PPP2R2C: variants seen among roughly 807,000 people sequenced by gnomAD.
PPP2R2C encodes the protein protein phosphatase 2 regulatory subunit Bgamma.
A neutral mutation model predicts 45.3 loss-of-function variants in PPP2R2C; 10 were observed. The ratio of observed to expected loss-of-function variants is 0.22; its 90% CI spans 0.14 to 0.37. PPP2R2C has a LOEUF of 0.37. PPP2R2C is among the 10% of genes least tolerant of loss of function. The pLI is 1.00. For missense variants in PPP2R2C, 308 were observed against 619.7 expected, an observed-to-expected ratio of 0.50 and a Z score of 5.34; for synonymous variants, 257 against 245.4, an observed-to-expected ratio of 1.05 and a Z score of -0.44.
intron 1 of PPP2R2C, among the ~76,000 whole-genome samples, chr4:6,407,293 C>T (rs1280377751): frequency 6.6e-6 from 1 of 152,242 alleles, no homozygotes; most frequent in Non-Finnish European, 1.5e-5. Flanking sequence ...GGGAAGTCAA[C>T]AATGACCCAG....
chr4:6,496,938 C>T (rs906909913), intron 2 of PPP2R2C, among the ~76,000 whole-genome samples: 13 of 151,880 alleles, frequency 8.6e-5, no homozygotes, highest in Admixed American at 2.6e-4. Flanking sequence ...CGATGCCATA[C>T]GTATGGACGG....
intron 1 of PPP2R2C, among the ~76,000 whole-genome samples, chr4:6,430,531 G>A (rs1044771277): frequency 1.3e-5 from 2 of 152,218 alleles, no homozygotes; most frequent in African/African-American, 2.4e-5. Flanking sequence ...CCTCAGAGGA[G>A]AGTGCACGCC....
intron 6 of PPP2R2C, 46 bp downstream of exon 6, chr4:6,347,800 C>CCCG: frequency 3.2e-6 from 4 of 1,253,260 alleles, no homozygotes; most frequent in Non-Finnish European, 4.4e-6. Flanking sequence ...CCCACCCGCC[C>CCCG]GCCTGCCCAA....
chr4:6,535,186 G>A, intron 2 of PPP2R2C: 1 of 1,424,120 alleles, frequency 7.0e-7, no homozygotes, highest in Non-Finnish European at 9.6e-7. Flanking sequence ...TGTCAGGCTG[G>A]CGCTGTGTCG....
intron 1 of PPP2R2C, among the ~76,000 whole-genome samples, chr4:6,441,425 C>A (rs544267875): frequency 8.5e-5 from 13 of 152,178 alleles, no homozygotes; most frequent in African/African-American, 3.1e-4. Flanking sequence ...CCCCATGGGG[C>A]CTCCATCACC....
chr4:6,390,541 C>CCGGG (rs1387674364), intron 1 of PPP2R2C, among the ~76,000 whole-genome samples: 5 of 152,230 alleles, frequency 3.3e-5, no homozygotes, highest in African/African-American at 1.2e-4. Context: ...AGGGAGCACG[C>CCGGG]CGGGCGGCGG....
At chr4:6,435,664 T>C (rs899402571) in intron 1 of PPP2R2C, among the ~76,000 whole-genome samples, 1 of 152,258 alleles carries the variant, frequency 6.6e-6, no homozygotes, top group Admixed American at 6.5e-5. Context: ...AAGAGTAATC[T>C]AGTTCTTAGA....
intron 1 of PPP2R2C, among the ~76,000 whole-genome samples, chr4:6,394,321 A>T (rs551252012): frequency 2.6e-5 from 4 of 152,362 alleles, no homozygotes; most frequent in Non-Finnish European, 4.4e-5. Flanking sequence ...GTTGATGGTG[A>T]AGATTCAACG....
chr4:6,400,094 C>T (rs1717313637), intron 1 of PPP2R2C, among the ~76,000 whole-genome samples: 1 of 152,214 alleles, frequency 6.6e-6, no homozygotes, highest in Non-Finnish European at 1.5e-5. Context: ...CCTAAATCAG[C>T]AGTTCTAAGA....
intron 1 of PPP2R2C, among the ~76,000 whole-genome samples, chr4:6,419,619 G>A (rs1224940808): frequency 6.6e-6 from 1 of 152,170 alleles, no homozygotes; most frequent in Non-Finnish European, 1.5e-5. Flanking sequence ...TAGGGCCTGG[G>A]ATGTGTCTGG....
In PPP2R2C at chr4:6,453,136, C is replaced by T. The variant is rs544305963; in HGVS notation, c.70+19024G>A. 8.5e-5 allele frequency among the ~76,000 whole-genome samples: 13 copies of T among 152,262 alleles called. No homozygotes were observed. The South Asian group carries it at 2.1e-3, about 24-fold the overall frequency. On this transcript the variant is annotated intron_variant, in intron 1 of 8. Transcript: ENST00000382599. The stretch of plus-strand genomic sequence containing the variant: ...GTTCCTGAGCATCGGATACACCTAA[C>T]GCCTCATCTCCATCCACCCTTGAAG...
intron 1 of PPP2R2C, among the ~76,000 whole-genome samples, chr4:6,446,729 A>C (rs764955409): frequency 6.6e-6 from 1 of 152,084 alleles, no homozygotes; most frequent in Non-Finnish European, 1.5e-5. Context: ...ACTCCCCGCC[A>C]ACGGCCCACT....
In PPP2R2C at chr4:6,549,396, G is replaced by T. The variant is rs899512868; in HGVS notation, c.-58-14019C>A. Among the ~76,000 whole-genome samples the T allele has an allele frequency of 2.6e-5, 4 of 152,164 alleles. No individual in the cohort carries two copies. The South Asian group carries it at 8.3e-4, about 32-fold the overall frequency. On this transcript the variant is annotated intron_variant, in intron 1 of 9. Coordinates refer to the PPP2R2C transcript ENST00000506140. ...GACAGACAACTCCAGATGGAGGGTGGTCCGGGGAGGCCTCCCGGAGGAGGT... is the reference window on the plus strand; with the variant it reads ...GACAGACAACTCCAGATGGAGGGTGTTCCGGGGAGGCCTCCCGGAGGAGGT...
At chr4:6,510,701 G>C (rs980424530) in intron 2 of PPP2R2C, among the ~76,000 whole-genome samples, 2 of 152,108 alleles carry the variant, frequency 1.3e-5, no homozygotes, top group Non-Finnish European at 2.9e-5. Flanking sequence ...GTTGAGGCCG[G>C]GCACGGTGTC....
At chr4:6,337,900 C>A (rs1275600814) in intron 6 of PPP2R2C, among the ~76,000 whole-genome samples, 1 of 152,088 alleles carries the variant, frequency 6.6e-6, no homozygotes, top group Non-Finnish European at 1.5e-5. Flanking sequence ...GCCTGAAAAA[C>A]CATTCCTAAA....
intron 5 of PPP2R2C, among the ~76,000 whole-genome samples, chr4:6,362,745 C>T (rs983350826): frequency 6.6e-6 from 1 of 152,160 alleles, no homozygotes; most frequent in Non-Finnish European, 1.5e-5. Flanking sequence ...CATTTGTTCA[C>T]CCCAGCACCA....
rs117403855 is a variant in PPP2R2C, at chr4:6,456,227, C to T, written c.70+15933G>A. ...ATTTTAAAAGACACAAAACATAGTA[C>T]AATCTGCAGGGGGTAGTTAGAAGGA... On this transcript the variant is annotated intron_variant, in intron 1 of 8. Transcript: ENST00000382599. Among the ~76,000 whole-genome samples, 16 of 152,016 alleles carry T rather than the reference C, an allele frequency of 1.1e-4. No individual in the cohort carries two copies. The East Asian group carries it at 3.1e-3, about 29-fold the overall frequency.
In PPP2R2C at chr4:6,523,052, A is replaced by T. The variant is rs1168152369; in HGVS notation, c.49+12219T>A. ...CAAGAAGTCATACGTCCTATGGCAA[A>T]CCCCAAGCCAGTGTTTCTCCAAGTG... On this transcript the variant is annotated intron_variant, in intron 2 of 9. Transcript: ENST00000506140. Among the ~76,000 whole-genome samples the T allele has an allele frequency of 2.0e-5, 3 of 152,188 alleles. No homozygotes were observed. In the East Asian group the frequency reaches 5.8e-4, roughly 29 times the overall value.
chr4:6,344,132 C>T (rs1711585843), intron 6 of PPP2R2C, among the ~76,000 whole-genome samples: 1 of 152,216 alleles, frequency 6.6e-6, no homozygotes, highest in African/African-American at 2.4e-5. Context: ...CAAAAGTCCT[C>T]AGTGGCCTGG....
Sources: allele counts gnomAD v4.1 joint callset (sites outside exome capture counted in the v4.1 genomes callset), GRCh38; gene constraint gnomAD v4.1.1; transcripts MANE v1.5; gene names NCBI Gene and HGNC (gene_info 2026-07-23, HGNC 2026-07-21).